The following CST11 variants were observed in gnomAD, a reference collection of about 807,000 sequenced individuals.
CST11 encodes the protein cystatin-11.
A neutral mutation model predicts 14.0 loss-of-function variants in CST11; 13 were observed. That is an observed-to-expected ratio of 0.93 (90% CI 0.60 to 1.47). The LOEUF is 1.47. Among genes scored for constraint, CST11 ranks in the 40% most tolerant of loss-of-function variants. The pLI is 0.00. For synonymous variants in CST11, 64 were observed against 57.8 expected, an observed-to-expected ratio of 1.11 and a Z score of -0.48; for missense variants, 181 against 160.0, an observed-to-expected ratio of 1.13 and a Z score of -0.71.
At position 23,450,494 on chromosome 20, in the gene CST11, A is replaced by G. The variant is rs1055183; in HGVS notation, c.*12T>C. 6.3e-7 allele frequency: 1 copy of G among 1,582,960 alleles called. No homozygotes were observed. Among genetic ancestry groups the G allele is most frequent in the Non-Finnish European group, 8.6e-7 (1 of 1,158,414 alleles). On this transcript the variant is annotated 3_prime_UTR_variant, in exon 3 of 3. Transcript: ENST00000377009. ...TCACATGCAGTGGCCGCAGTTGTAC[A>G]CTCCAGGACACCTAGTCACTGCTGC...
At chr20:23,450,967 T>C (rs1309667479) in intron 2 of CST11, among the ~76,000 whole-genome samples, 1 of 152,108 alleles carries the variant, frequency 6.6e-6, no homozygotes, top group Admixed American at 6.5e-5. Context: ...TATTTATCCC[T>C]CCATTCATCT....
intron 2 of CST11, 61 bp from the exon 3 acceptor site, chr20:23,450,650 G>A (rs1270882730): frequency 2.3e-6 from 3 of 1,317,516 alleles, no homozygotes; most frequent in Admixed American, 3.8e-5. Flanking sequence ...AAAGGAGAAG[G>A]AAGAGGATGT....
At chr20:23,452,378 G>A (rs1042949658) in intron 1 of CST11, among the ~76,000 whole-genome samples, 3 of 152,172 alleles carry the variant, frequency 2.0e-5, no homozygotes, top group Non-Finnish European at 4.4e-5. Flanking sequence ...TTTGGCCCTT[G>A]GGATGTAATG....
chr20:23,452,075 G>GT (rs1184955067), intron 1 of CST11, among the ~76,000 whole-genome samples, 155 bp from the exon 2 acceptor site: 3 of 152,202 alleles, frequency 2.0e-5, no homozygotes, highest in African/African-American at 7.2e-5. Flanking sequence ...ACTCATGATT[G>GT]TTTTTGTCAT....
intron 2 of CST11, among the ~76,000 whole-genome samples, chr20:23,450,822 G>A (rs530279737): frequency 7.2e-5 from 11 of 152,268 alleles, no homozygotes; most frequent in Non-Finnish European, 1.2e-4. Context: ...AAGTGTCTGC[G>A]CAGCCCATAT....
chr20:23,452,231 G>C (rs1366847081), intron 1 of CST11, among the ~76,000 whole-genome samples: 1 of 152,166 alleles, frequency 6.6e-6, no homozygotes, highest in Non-Finnish European at 1.5e-5. Flanking sequence ...AACATCTTAC[G>C]TTTTATTGGC....
chr20:23,451,772 C>T, intron 2 of CST11, 44 bp downstream of exon 2: 1 of 1,427,158 alleles, frequency 7.0e-7, no homozygotes, highest in Non-Finnish European at 9.8e-7. Context: ...AAAAACCTCA[C>T]TGAAAAGGAC....
At position 23,452,681 on chromosome 20, in the gene CST11, G is replaced by A. The variant is rs758922528; in HGVS notation, c.131C>T (p.Ala44Val). ...VHEVMAVENYAKDSLQWITDQ... is the reference protein window; with the variant it reads ...VHEVMAVENYVKDSLQWITDQ... ...GGTGATCCACTGCAAGCTGTCCTTC[G>A]CATAGTTTTCTACTGCCATCACTTC... The change falls in exon 1 of 3, where the codon GCG becomes GTG. Residue 44 changes from alanine (A) to valine (V), a missense_variant. Physicochemically the swap from Ala to Val is moderately conservative, Grantham distance 64. Coordinates refer to ENST00000377009, the MANE Select transcript of CST11 (RefSeq NM_130794.2). The A allele has an allele frequency of 4.3e-6, 7 of 1,613,856 alleles. No homozygotes were observed. The highest frequency in any genetic ancestry group is 3.3e-5 in the South Asian group (3 of 91,062).
At chr20:23,452,472 A>T in intron 1 of CST11, 112 bp downstream of exon 1, 2 of 740,720 alleles carry the variant, frequency 2.7e-6, no homozygotes, top group South Asian at 3.2e-5. Context: ...TAAAGTGCTC[A>T]CATCAAGCTA....
chr20:23,452,608 G>C lies in CST11; in HGVS notation c.204C>G (p.Phe68Leu). The change falls in exon 1 of 3, where the codon TTC becomes TTG. Residue 68 changes from phenylalanine (F) to leucine (L), a missense_variant. Coordinates refer to ENST00000377009, the MANE Select transcript of CST11 (RefSeq NM_130794.2). ...ESDDKYHFRIFRVLKVQRQVT... is the reference protein window; with the variant it reads ...ESDDKYHFRILRVLKVQRQVT... ...CCTGCCTCTGGACTTTAAGGACTCG[G>C]AAGATCCTGAAGTGGTACTTGTCAT... The C allele has an allele frequency of 6.2e-7, 1 of 1,613,278 alleles. No individual in the cohort carries two copies. Among genetic ancestry groups the C allele is most frequent in the Non-Finnish European group, 8.5e-7 (1 of 1,179,216 alleles).
At chr20:23,450,616 T>C in intron 2 of CST11, 27 bp from the exon 3 acceptor site, 1 of 1,566,862 alleles carries the variant, frequency 6.4e-7, no homozygotes, top group East Asian at 2.3e-5. Context: ...AGGCAATATT[T>C]TAAAAGACGC....
In CST11 at chr20:23,452,648, T is replaced by A. The variant is rs1329651882; in HGVS notation, c.164A>T (p.Tyr55Phe). 1.2e-6 allele frequency: 2 copies of A among 1,614,122 alleles called. No homozygotes were observed. Among genetic ancestry groups the A allele is most frequent in the South Asian group, 2.2e-5 (2 of 91,080 alleles). ...KDSLQWITDQ[Y>F]NKESDDKYHF... ...GTACTTGTCATCACTTTCCTTGTTA[T>A]ACTGGTCGGTGATCCACTGCAAGCT... The change falls in exon 1 of 3, where the codon TAT becomes TTT. Residue 55 changes from tyrosine to phenylalanine, a missense_variant. Tyr to Phe is a conservative substitution (Grantham distance 22). Transcript: ENST00000377009.
intron 2 of CST11, 127 bp downstream of exon 2, chr20:23,451,689 T>C: frequency 1.6e-6 from 1 of 634,818 alleles, no homozygotes; most frequent in South Asian, 1.9e-5. Flanking sequence ...AAGGAGGTGT[T>C]ACCCATGCAT....
chr20:23,451,916 G>C lies in CST11; in HGVS notation c.233C>G (p.Thr78Ser). 6.2e-7 allele frequency: 1 copy of C among 1,613,414 alleles called. No individual in the cohort carries two copies. The highest frequency in any genetic ancestry group is 1.1e-5 in the South Asian group (1 of 91,066). Residue 78 changes from threonine to serine, a missense_variant, in exon 2 of 3, where the codon ACT becomes AGT. Coordinates refer to ENST00000377009, the MANE Select transcript of CST11 (RefSeq NM_130794.2). ...ATTCAGGTGATACTCCAGGTGGTCA[G>C]TGACCTGTGGGCGCCAGGCGTGGGG... ...FRVLKVQRQV[T>S]DHLEYHLNVE...
At chr20:23,450,701 C>T (rs1600275684) in intron 2 of CST11, 112 bp from the exon 3 acceptor site, 2 of 621,092 alleles carry the variant, frequency 3.2e-6, no homozygotes, top group Non-Finnish European at 5.5e-6. Context: ...CTCTCCACCC[C>T]TACAATCCTA....
At chr20:23,452,453 T>C (rs190128635) in intron 1 of CST11, 131 bp downstream of exon 1, 3 of 684,774 alleles carry the variant, frequency 4.4e-6, no homozygotes, top group East Asian at 5.0e-5. Context: ...AGTGAATTTA[T>C]GCTTCTCTTA....
At position 23,451,812 on chromosome 20, in the gene CST11, A is replaced by G. The variant is rs1395283697; in HGVS notation, c.333+4T>C. 4 of 1,611,716 alleles carry G rather than the reference A, an allele frequency of 2.5e-6. No individual in the cohort carries two copies. The highest frequency in any genetic ancestry group is 3.4e-6 in the Non-Finnish European group (4 of 1,178,112). On this transcript the variant is annotated splice_donor_region_variant and intron_variant, in intron 2 of 2. Transcript: ENST00000377009. ...GTCTACGTTAAAGTGCTTTTACCCA[A>G]TACCTTGTGAAGCTCCCTTTCCTGG...
In CST11 at chr20:23,452,595, C is replaced by T. The variant is rs368607322; in HGVS notation, c.217G>A (p.Val73Ile). ...YHFRIFRVLKVQRQVTDHLEY... is the reference protein window; with the variant it reads ...YHFRIFRVLKIQRQVTDHLEY... ...AGTCATACACTCACCTGCCTCTGGA[C>T]TTTAAGGACTCGGAAGATCCTGAAG... The change falls in exon 1 of 3, where the codon GTC becomes ATC. Residue 73 changes from valine (V) to isoleucine (I), a missense_variant. Val to Ile is a conservative substitution (Grantham distance 29). Coordinates refer to ENST00000377009, the MANE Select transcript of CST11 (RefSeq NM_130794.2). 1.1e-5 allele frequency: 18 copies of T among 1,611,562 alleles called. No homozygotes were observed. The highest frequency in any genetic ancestry group is 1.4e-5 in the Non-Finnish European group (17 of 1,177,780).
rs1256612897 is a variant in CST11 at position 23,451,925 on chromosome 20, G to A, written c.229-5C>T. ...ATACTCCAGGTGGTCAGTGACCTGT[G>A]GGCGCCAGGCGTGGGGGAGGCACAG... On this transcript the variant is annotated splice_region_variant and splice_polypyrimidine_tract_variant and intron_variant, in intron 1 of 2. Transcript: ENST00000377009. 1 of 1,610,676 alleles carries A rather than the reference G, an allele frequency of 6.2e-7. No individual in the cohort carries two copies. Among genetic ancestry groups the A allele is most frequent in the East Asian group, 2.2e-5 (1 of 44,818 alleles).
Sources: allele counts gnomAD v4.1 joint callset (sites outside exome capture counted in the v4.1 genomes callset), GRCh38; gene constraint gnomAD v4.1.1; transcripts MANE v1.5; gene names NCBI Gene and HGNC (gene_info 2026-07-23, HGNC 2026-07-21).